Variants in NOL6 observed in about 807,000 individuals in gnomAD.
The protein encoded by NOL6 is nucleolar RNA-associated protein.
Under a neutral mutation model 131.7 loss-of-function variants are expected in NOL6, and 33 were observed. The observed-to-expected ratio is 0.25, with a 90% confidence interval of 0.19 to 0.33. NOL6 has a LOEUF of 0.33. NOL6 is among the 10% of genes least tolerant of loss of function. NOL6 has a pLI of 1.00. For synonymous variants in NOL6, 580 were observed against 605.7 expected, an observed-to-expected ratio of 0.96 and a Z score of 0.62; for missense variants, 1,297 against 1,494.5, an observed-to-expected ratio of 0.87 and a Z score of 2.18.
rs1291519133 is a variant in NOL6, at chr9:33,467,439, T to C, written c.1680A>G (p.Gly560=). Residue 560 remains glycine (G), a synonymous_variant, in exon 13 of 26, where the codon GGA becomes GGG. Transcript: ENST00000297990. The surrounding 1 kb of genome is among the most constrained non-coding windows in gnomAD (Gnocchi z 4.4). ...LTLGLLLRPE[G]LTSVLELGPE... ...GACCCAGCTCAAGGACGCTGGTCAG[T>C]CCCTCAGGCCGGAGAAGGAGTCCCA... The C allele has an allele frequency of 1.2e-6, 2 of 1,614,012 alleles. No individual in the cohort carries two copies. Among genetic ancestry groups the C allele is most frequent in the East Asian group, 2.2e-5 (1 of 44,886 alleles).
Position 33,466,771 on chromosome 9 carries a change from T to C in NOL6, c.1951-62A>G, listed in dbSNP as rs115232700. On this transcript the variant is annotated intron_variant, in intron 15 of 25. Transcript: ENST00000297990. Reference sequence around the variant, plus strand: ...CAGAAGGCCAGCTTCACCTGGATTCTGCCCCAGCTCAGGCTGCAGCAGAGC... The same window carrying C: ...CAGAAGGCCAGCTTCACCTGGATTCCGCCCCAGCTCAGGCTGCAGCAGAGC... 2.6e-3 allele frequency: 4,178 copies of C among 1,599,244 alleles called. 81 individuals are homozygous for C. In the African/African-American group the frequency reaches 0.048, roughly 18 times the overall value.
Position 33,462,229 on chromosome 9 carries a change from G to A in NOL6, c.*435C>T, listed in dbSNP as rs947190701. 1.3e-5 allele frequency: 9 copies of A among 716,948 alleles called. No individual in the cohort carries two copies. The highest frequency in any genetic ancestry group is 3.5e-5 in the African/African-American group (2 of 57,242). The allele number at this position is 716,948 out of a possible 1,614,324, so 44.4% of individuals were successfully genotyped here. On this transcript the variant is annotated 3_prime_UTR_variant, in exon 26 of 26. Coordinates refer to ENST00000297990, the MANE Select transcript of NOL6 (RefSeq NM_022917.5). ...GGGTCCCATCTAAAGGCCTGACACT[G>A]CAGTGAAGGGCATGCTAAGTCTAGG... is the stretch of plus-strand genomic sequence containing the variant.
rs201102024 is a variant in NOL6 at position 33,468,067 on chromosome 9, G to C, written c.1387C>G (p.Pro463Ala). 28 of 1,614,146 alleles carry C rather than the reference G, an allele frequency of 1.7e-5. No individual in the cohort carries two copies. The highest frequency in any genetic ancestry group is 3.3e-5 in the Admixed American group (2 of 60,018). ...TCAAAAGCCCGGATCATGGGTTTGGGAGTCATCAACAGCAGGTGGAACCCG... is the reference window on the plus strand; with the variant it reads ...TCAAAAGCCCGGATCATGGGTTTGGCAGTCATCAACAGCAGGTGGAACCCG... ...DDGFHLLLMTPKPMIRAFDHV... is the reference protein window; with the variant it reads ...DDGFHLLLMTAKPMIRAFDHV... Residue 463 changes from proline to alanine, a missense_variant, in exon 11 of 26, where the codon CCC (proline) becomes GCC (alanine). By Grantham distance (27) the Pro-to-Ala change is conservative (BLOSUM62 -1). Transcript: ENST00000297990.
In NOL6 at chr9:33,463,066, C is replaced by T; in HGVS notation, c.3258G>A (p.Trp1086Ter). ...GCTGCGGCTGGAAGCTGGTGGGCTT[C>T]CAGAGGACACCAATCACCTCTCCAC... The part of the protein sequence containing the change: ...QHGGEVIGVL[W>*]KPTSFQPQPF... The change falls in exon 25 of 26, where the codon TGG (tryptophan) becomes TGA (stop). Residue 1086 changes from tryptophan (W) to a stop codon, truncating the protein, a stop_gained. Coordinates refer to ENST00000297990, the MANE Select transcript of NOL6 (RefSeq NM_022917.5). LOFTEE classifies it high-confidence loss of function. The T allele has an allele frequency of 6.2e-7, 1 of 1,613,850 alleles. No individual in the cohort carries two copies. Among genetic ancestry groups the T allele is most frequent in the Non-Finnish European group, 8.5e-7 (1 of 1,179,886 alleles).
chr9:33,466,732 G>A lies in NOL6; in HGVS notation c.1951-23C>T, dbSNP rs544825562. On this transcript the variant is annotated intron_variant, in intron 15 of 25. Transcript: ENST00000297990. The stretch of plus-strand genomic sequence containing the variant: ...GGTCTGAGAGGGAGAAGACGGTCAG[G>A]AGGCTGGACCCTACAGAAGGCCAGC... 4 of 1,612,800 alleles carry A rather than the reference G, an allele frequency of 2.5e-6. No individual in the cohort carries two copies. The South Asian group carries it at 4.4e-5, about 18-fold the overall frequency.
chr9:33,463,237 T>C lies in NOL6; in HGVS notation c.3189+10A>G. ...CCCCTCCCCAGGTCATTCAGCTGTT[T>C]AGGACCAACCCTGAGCTGCGTCAGA... On this transcript the variant is annotated intron_variant, in intron 24 of 25. Coordinates refer to ENST00000297990, the MANE Select transcript of NOL6 (RefSeq NM_022917.5). 1 of 1,613,476 alleles carries C rather than the reference T, an allele frequency of 6.2e-7. No homozygotes were observed. The highest frequency in any genetic ancestry group is 8.5e-7 in the Non-Finnish European group (1 of 1,179,580).
At position 33,462,329 on chromosome 9, in the gene NOL6, C is replaced by A; in HGVS notation, c.*335G>T. Reference sequence around the variant, plus strand: ...CCCCTTCTCTGTTTCTGGAAGAAGACTAAGAAAGGAGTGGGAAATCGCAGG... The same window carrying A: ...CCCCTTCTCTGTTTCTGGAAGAAGAATAAGAAAGGAGTGGGAAATCGCAGG... On this transcript the variant is annotated 3_prime_UTR_variant, in exon 26 of 26. Transcript: ENST00000297990. 1 of 683,548 alleles carries A rather than the reference C, an allele frequency of 1.5e-6. No individual in the cohort carries two copies. The highest frequency in any genetic ancestry group is 1.6e-5 in the South Asian group (1 of 63,152). The allele number at this position is 683,548 out of a possible 1,614,324, so 42.3% of individuals were successfully genotyped here.
intron 21 of NOL6, 117 bp from the exon 22 acceptor site, chr9:33,464,278 T>C: frequency 8.4e-7 from 1 of 1,191,732 alleles, no homozygotes; most frequent in Non-Finnish European, 1.1e-6. Flanking sequence ...TTTTCAACAC[T>C]CCCCCCCACC....
At position 33,469,277 on chromosome 9, in the gene NOL6, C is replaced by T. The variant is rs370042879; in HGVS notation, c.792G>A (p.Pro264=). 7.9e-5 allele frequency: 128 copies of T among 1,614,044 alleles called. No homozygotes were observed. The highest frequency in any genetic ancestry group is 9.8e-5 in the Non-Finnish European group (116 of 1,180,040). The change falls in exon 6 of 26, where the codon CCG becomes CCA. Residue 264 remains proline, a synonymous_variant. Transcript: ENST00000297990. ...TGTTCTTGGTTGGCAGCAAGCGGCA[C>T]GGGCGGAAGAAGTCAGGTGGAGGGC... is the stretch of plus-strand genomic sequence containing the variant. ...HPCPPPDFFR[P]CRLLPTKNNV... is the part of the protein sequence containing the mutation.
Position 33,466,549 on chromosome 9 carries a change from C to T in NOL6, c.2091+20G>A, listed in dbSNP as rs748888160. ...GTGGGGCCACTAAGCAGAAAGGTCACCTGCACCGTTGCACCTCACCTCTGT... is the reference window on the plus strand; with the variant it reads ...GTGGGGCCACTAAGCAGAAAGGTCATCTGCACCGTTGCACCTCACCTCTGT... On this transcript the variant is annotated intron_variant, in intron 16 of 25. Coordinates refer to ENST00000297990, the MANE Select transcript of NOL6 (RefSeq NM_022917.5). The T allele has an allele frequency of 6.2e-7, 1 of 1,613,740 alleles. No individual in the cohort carries two copies. The highest frequency in any genetic ancestry group is 1.3e-5 in the African/African-American group (1 of 75,046).
chr9:33,462,773 C>G lies in NOL6; in HGVS notation c.3332G>C (p.Gly1111Ala). Residue 1111 changes from glycine (G) to alanine (A), a missense_variant, in exon 26 of 26, where the codon GGG becomes GCG. Gly to Ala is a moderately conservative substitution (Grantham distance 60). Coordinates refer to ENST00000297990, the MANE Select transcript of NOL6 (RefSeq NM_022917.5). ...TKGRMVMSRGGELVMVPNVEA... is the reference protein window; with the variant it reads ...TKGRMVMSRGAELVMVPNVEA... Reference sequence around the variant, plus strand: ...AACATTGGGCACCATTACTAGCTCCCCACCTCGAGACATCACCATGCGCCC... The same window carrying G: ...AACATTGGGCACCATTACTAGCTCCGCACCTCGAGACATCACCATGCGCCC... 6.2e-7 allele frequency: 1 copy of G among 1,614,162 alleles called. No individual in the cohort carries two copies. The highest frequency in any genetic ancestry group is 1.1e-5 in the South Asian group (1 of 91,086).
intron 21 of NOL6, 99 bp downstream of exon 21, chr9:33,464,780 G>T: frequency 1.3e-6 from 1 of 795,454 alleles, no homozygotes; most frequent in Non-Finnish European, 2.1e-6. Context: ...TCTGGGGCTG[G>T]GGAGGCACAG....
intron 3 of NOL6, 189 bp from the exon 4 acceptor site, chr9:33,470,380 A>C: frequency 2.2e-6 from 1 of 451,904 alleles, no homozygotes; most frequent in East Asian, 3.6e-5. Flanking sequence ...AATCACCTTA[A>C]CTTAGCTCTG....
Position 33,467,033 on chromosome 9 carries a change from C to T in NOL6, c.1875-46G>A. The T allele has an allele frequency of 6.2e-7, 1 of 1,613,732 alleles. No individual in the cohort carries two copies. Among genetic ancestry groups the T allele is most frequent in the Admixed American group, 1.7e-5 (1 of 59,998 alleles). Reference sequence around the variant, plus strand: ...CAGTGAGAAAATTTGGGGCTATGTTCTCGCTCAACTGCCTGGGCCAGACCC... The same window carrying T: ...CAGTGAGAAAATTTGGGGCTATGTTTTCGCTCAACTGCCTGGGCCAGACCC... On this transcript the variant is annotated intron_variant, in intron 14 of 25. Transcript: ENST00000297990. The surrounding 1 kb of genome is among the most constrained non-coding windows in gnomAD (Gnocchi z 4.4).
Position 33,462,529 on chromosome 9 carries a change from A to G in NOL6, c.*135T>C. 4.0e-6 allele frequency: 4 copies of G among 1,002,554 alleles called. No homozygotes were observed. The highest frequency in any genetic ancestry group is 5.9e-6 in the Non-Finnish European group (4 of 680,398). 62.1% of individuals were successfully genotyped at this position (1,002,554 alleles called of 1,614,324 possible). ...AAGTTGGGGCTGGGTTTTGTTGGAGATGATTCAGCATGTTCAGCCAGCAGG... is the reference window on the plus strand; with the variant it reads ...AAGTTGGGGCTGGGTTTTGTTGGAGGTGATTCAGCATGTTCAGCCAGCAGG... On this transcript the variant is annotated 3_prime_UTR_variant, in exon 26 of 26. Transcript: ENST00000297990.
intron 1 of NOL6, among the ~76,000 whole-genome samples, chr9:33,472,968 C>CA (rs398040337): frequency 0.2 from 13,909 of 70,660 alleles, 1,386 homozygotes; most frequent in African/African-American, 0.33. Context: ...GCAAGACTGT[C>CA]AAAAAAAAAA....
chr9:33,471,864 CT>C, intron 3 of NOL6, 139 bp downstream of exon 3: 4 of 708,434 alleles, frequency 5.6e-6, no homozygotes, highest in Non-Finnish European at 1.0e-5. Flanking sequence ...AATGACCACG[CT>C]CCCAGCTAAG....
At position 33,462,471 on chromosome 9, in the gene NOL6, T is replaced by C. The variant is rs902674146; in HGVS notation, c.*193A>G. On this transcript the variant is annotated 3_prime_UTR_variant, in exon 26 of 26. Transcript: ENST00000297990. Reference sequence around the variant, plus strand: ...GCCCAGGAGACTACATGGGCCACCATGCCCCTGCCCCAATGCTGGAGCATC... The same window carrying C: ...GCCCAGGAGACTACATGGGCCACCACGCCCCTGCCCCAATGCTGGAGCATC... 1.5e-6 allele frequency: 1 copy of C among 650,496 alleles called. No homozygotes were observed. Among genetic ancestry groups the C allele is most frequent in the Non-Finnish European group, 2.6e-6 (1 of 379,298 alleles). The allele number at this position is 650,496 out of a possible 1,614,324, so 40.3% of individuals were successfully genotyped here.
Position 33,470,053 on chromosome 9 carries a change from G to T in NOL6, c.517C>A (p.Arg173=). 1 of 1,611,368 alleles carries T rather than the reference G, an allele frequency of 6.2e-7. No individual in the cohort carries two copies. The change falls in exon 4 of 26, where the codon CGA becomes AGA. Residue 173 remains arginine (R), a synonymous_variant. Transcript: ENST00000297990. ...VGSYLLGTCI[R]PDINVDVALT... is the part of the protein sequence containing the mutation. ...GCCACATCCACATTGATGTCTGGTC[G>T]GATGCAGGTGCCCAGAAGGTAGCTG...
Sources: allele counts gnomAD v4.1 joint callset (sites outside exome capture counted in the v4.1 genomes callset), GRCh38; gene constraint gnomAD v4.1.1; non-coding constraint Gnocchi (gnomAD v3.1); transcripts MANE v1.5; gene names NCBI Gene and HGNC (gene_info 2026-07-23, HGNC 2026-07-21).